The following RHBDF2 variants were observed in gnomAD, a reference collection of about 807,000 sequenced individuals.
RHBDF2 encodes the protein inactive rhomboid protein 2.
In RHBDF2, 38 loss-of-function variants were observed where a neutral mutation model predicts 95.2. That is an observed-to-expected ratio of 0.40 (90% confidence interval 0.31 to 0.52). The LOEUF is 0.52. Ranked by LOEUF, RHBDF2 falls within the 20% of genes least tolerant of loss-of-function variation. RHBDF2 has a pLI of 0.56. For synonymous variants in RHBDF2, 442 were observed against 462.0 expected, an observed-to-expected ratio of 0.96 and a Z score of 0.55; for missense variants, 863 against 1,137.7, an observed-to-expected ratio of 0.76 and a Z score of 3.47.
At chr17:76,482,144 A>T (rs2073991119) in intron 2 of RHBDF2, among the ~76,000 whole-genome samples, 1 of 151,904 alleles carries the variant, frequency 6.6e-6, no homozygotes, top group African/African-American at 2.4e-5. Flanking sequence ...TCAACTTACT[A>T]CCTCATTCAA....
intron 2 of RHBDF2, among the ~76,000 whole-genome samples, chr17:76,482,047 C>G (rs1349945810): frequency 1.4e-5 from 2 of 147,536 alleles, no homozygotes; most frequent in African/African-American, 5.0e-5. Flanking sequence ...CCAGCCTGAA[C>G]CAGGCTGAAC....
chr17:76,491,537 T>C (rs1264283424), intron 1 of RHBDF2, among the ~76,000 whole-genome samples: 1 of 152,106 alleles, frequency 6.6e-6, no homozygotes, highest in African/African-American at 2.4e-5. Flanking sequence ...GGGAGTGCCA[T>C]CTGAACCGCA....
chr17:76,480,720 T>A (rs562991769), intron 3 of RHBDF2, among the ~76,000 whole-genome samples: 20 of 152,274 alleles, frequency 1.3e-4, no homozygotes, highest in Non-Finnish European at 2.4e-4. Context: ...TTGTCTAACT[T>A]TTCTCCGTCA....
intron 11 of RHBDF2, 90 bp downstream of exon 11, chr17:76,474,640 C>T (rs147972555): frequency 5.9e-4 from 955 of 1,611,726 alleles, no homozygotes; most frequent in Non-Finnish European, 7.5e-4. Flanking sequence ...GAGGGGCCTG[C>T]GGGTGGGTGA....
intron 1 of RHBDF2, among the ~76,000 whole-genome samples, chr17:76,491,786 G>A (rs1224652114): frequency 6.6e-6 from 1 of 152,202 alleles, no homozygotes; most frequent in Non-Finnish European, 1.5e-5. Flanking sequence ...GGGCTCAGCG[G>A]GGAAAGGAGT....
At chr17:76,476,504 G>A (rs980655304) in intron 9 of RHBDF2, 4 of 297,816 alleles carry the variant, frequency 1.3e-5, no homozygotes, top group Non-Finnish European at 1.9e-5. Context: ...TGCCCTCCCT[G>A]CTCCACCCTC....
At chr17:76,480,180 T>C (rs1332505354) in intron 3 of RHBDF2, among the ~76,000 whole-genome samples, 9 of 142,062 alleles carry the variant, frequency 6.3e-5, no homozygotes, top group African/African-American at 2.1e-4. Context: ...CCTCCCAGGT[T>C]CAAGCGATTC....
At chr17:76,478,614 A>T (rs1018473004) in intron 6 of RHBDF2, among the ~76,000 whole-genome samples, 192 bp downstream of exon 6, 1 of 152,188 alleles carries the variant, frequency 6.6e-6, no homozygotes, top group Admixed American at 6.5e-5. Flanking sequence ...GATTTAAGAC[A>T]GAAGGATGGA....
At position 76,493,704 on chromosome 17, in the gene RHBDF2, C is replaced by T. The variant is rs544782621; in HGVS notation, c.-219-5795G>A. On this transcript the variant is annotated intron_variant, in intron 1 of 18. Coordinates refer to ENST00000675367, the MANE Select transcript of RHBDF2 (RefSeq NM_001005498.4). ...CCTCTCAGCACCACCTCCCCAGAGGCCGGAGCTGGTGGCAAGTGGGCGCAG... is the reference window on the plus strand; with the variant it reads ...CCTCTCAGCACCACCTCCCCAGAGGTCGGAGCTGGTGGCAAGTGGGCGCAG... 2.6e-5 allele frequency among the ~76,000 whole-genome samples: 4 copies of T among 152,322 alleles called. No homozygotes were observed. The South Asian group carries it at 8.3e-4, about 32-fold the overall frequency.
Position 76,477,002 on chromosome 17 carries a change from C to A in RHBDF2, c.943G>T (p.Val315Phe). Residue 315 changes from valine to phenylalanine, a missense_variant, in exon 9 of 19, where the codon GTC (valine) becomes TTC (phenylalanine). This residue lies in a region of RHBDF2 where 611 missense variants were observed against 725.5 expected (regional missense o/e 0.84). Coordinates refer to ENST00000675367, the MANE Select transcript of RHBDF2 (RefSeq NM_001005498.4). ...IPLKEYGRAP[V>F]PGPRRGKRIA... The stretch of plus-strand genomic sequence containing the variant: ...CGCTTGCCGCGCCGGGGCCCGGGGA[C>A]TGGGGCTCGGCCATACTCCTTCCTG... The A allele has an allele frequency of 6.2e-7, 1 of 1,613,824 alleles. No homozygotes were observed. The highest frequency in any genetic ancestry group is 8.5e-7 in the Non-Finnish European group (1 of 1,180,022).
intron 10 of RHBDF2, 87 bp downstream of exon 10, chr17:76,474,943 G>A (rs2073719794): frequency 6.8e-7 from 1 of 1,466,344 alleles, no homozygotes; most frequent in Non-Finnish European, 9.4e-7. Flanking sequence ...GGGCCAGATT[G>A]TTGCGGTGGG....
intron 3 of RHBDF2, among the ~76,000 whole-genome samples, chr17:76,480,390 A>G (rs1053003630): frequency 6.6e-6 from 1 of 150,764 alleles, no homozygotes; most frequent in Non-Finnish European, 1.5e-5. Context: ...CCCGGCCTAT[A>G]TATATATTTT....
chr17:76,473,604 G>C (rs948460041), intron 15 of RHBDF2, 44 bp downstream of exon 15: 3 of 1,493,490 alleles, frequency 2.0e-6, no homozygotes, highest in African/African-American at 1.4e-5. Context: ...GCCGCAGCTC[G>C]GGGGGGCAGT....
At chr17:76,487,049 C>T (rs1364334487) in intron 2 of RHBDF2, among the ~76,000 whole-genome samples, 2 of 149,172 alleles carry the variant, frequency 1.3e-5, no homozygotes, top group East Asian at 4.0e-4. Flanking sequence ...GCCTCCGCCT[C>T]CTGGGTTCAA....
chr17:76,473,264 T>C lies in RHBDF2; in HGVS notation c.1797A>G (p.Thr599=), dbSNP rs2073648930. The change falls in exon 16 of 19, where the codon ACA becomes ACG. Residue 599 remains threonine, a synonymous_variant. Transcript: ENST00000675367. The part of the protein sequence containing the change: ...FMHGYFHEEA[T]LCSQVHCLDK... ...TGCCTCGCCTCACCTGGGAGCAGAG[T>C]GTTGCTTCCTCATGGAAATAGCCGT... is the stretch of plus-strand genomic sequence containing the variant. 6.2e-7 allele frequency: 1 copy of C among 1,612,516 alleles called. No individual in the cohort carries two copies. Among genetic ancestry groups the C allele is most frequent in the African/African-American group, 1.3e-5 (1 of 74,984 alleles).
At chr17:76,477,530 A>G in intron 7 of RHBDF2, 127 bp downstream of exon 7, 1 of 1,204,518 alleles carries the variant, frequency 8.3e-7, no homozygotes, top group Non-Finnish European at 1.2e-6. Context: ...ACATAGGACC[A>G]TGCCACATCC....
chr17:76,472,679 T>C lies in RHBDF2; in HGVS notation c.2064+7A>G, dbSNP rs201734337. 2,795 of 1,613,948 alleles carry C rather than the reference T, an allele frequency of 1.7e-3. 6 individuals are homozygous for C. The highest frequency in any genetic ancestry group is 2.1e-3 in the Non-Finnish European group (2,460 of 1,180,006). ...TGCGGAAGGGGTCCCATCCTCCACA[T>C]CCTTACCTCTGCCCGGTATGGGAGA... On this transcript the variant is annotated splice_region_variant and intron_variant, in intron 18 of 18. Coordinates refer to ENST00000675367, the MANE Select transcript of RHBDF2 (RefSeq NM_001005498.4).
chr17:76,495,992 T>C (rs1433549160), intron 1 of RHBDF2, among the ~76,000 whole-genome samples: 2 of 152,086 alleles, frequency 1.3e-5, no homozygotes, highest in Admixed American at 1.3e-4. Flanking sequence ...ACACCTTGCT[T>C]CGGGGCAGCG....
At chr17:76,476,718 G>A (rs1053423862) in intron 9 of RHBDF2, 112 bp downstream of exon 9, 14 of 1,421,882 alleles carry the variant, frequency 9.8e-6, no homozygotes, top group East Asian at 5.0e-5. Flanking sequence ...CTCCTGATCC[G>A]CAGAAGATGC....
Sources: gnomAD v4.1 joint callset for allele counts (sites outside exome capture counted in the v4.1 genomes callset) on GRCh38, gnomAD v4.1.1 for gene constraint, gnomAD v4.1.1 regional missense constraint, MANE v1.5 for transcripts, NCBI Gene and HGNC (gene_info 2026-07-23, HGNC 2026-07-21) for gene names.